Variants in COP1 observed in about 807,000 individuals in gnomAD.
The protein encoded by COP1 is COP1 E3 ubiquitin ligase, also known as E3 ubiquitin-protein ligase COP1.
In COP1, 24 loss-of-function variants were observed where a neutral mutation model predicts 101.3. The observed-to-expected ratio is 0.24, with a 90% CI of 0.17 to 0.33. The LOEUF (loss-of-function observed/expected upper bound fraction) is 0.33, where lower values mean the gene tolerates loss of function less well. COP1 is among the 10% of genes least tolerant of loss of function. COP1 has a pLI of 1.00. For synonymous variants in COP1, 347 were observed against 341.9 expected, an observed-to-expected ratio of 1.01 and a Z score of -0.17; for missense variants, 663 against 906.2, an observed-to-expected ratio of 0.73 and a Z score of 3.45.
At chr1:175,967,086 T>G (rs1652163376) in intron 18 of COP1, among the ~76,000 whole-genome samples, 1 of 152,190 alleles carries the variant, frequency 6.6e-6, no homozygotes, top group Admixed American at 6.5e-5. Context: ...AACAGAACAG[T>G]GGATTTCTAA....
chr1:176,127,329 T>G lies in COP1; in HGVS notation c.968+7681A>C, dbSNP rs543024077. On this transcript the variant is annotated intron_variant, in intron 8 of 19. Transcript: ENST00000367669. ...TTCCTGTCTAACTATAACTTTGTACTCACTGACCAACTTCTCCCCTCTCCC... is the reference window on the plus strand; with the variant it reads ...TTCCTGTCTAACTATAACTTTGTACGCACTGACCAACTTCTCCCCTCTCCC... Among the ~76,000 whole-genome samples, 27 of 152,298 alleles carry G rather than the reference T, an allele frequency of 1.8e-4. 1 individual carries two copies. The East Asian group carries it at 1.9e-3, about 11-fold the overall frequency.
intron 14 of COP1, among the ~76,000 whole-genome samples, chr1:176,028,166 C>T (rs1668002877): frequency 6.6e-6 from 1 of 152,102 alleles, no homozygotes; most frequent in Non-Finnish European, 1.5e-5. Context: ...TATCATAATT[C>T]AAGGTGAGAT....
chr1:175,973,855 T>C (rs1653862281), intron 18 of COP1, among the ~76,000 whole-genome samples: 1 of 152,104 alleles, frequency 6.6e-6, no homozygotes, highest in Non-Finnish European at 1.5e-5. Context: ...AAAGGGTATT[T>C]GGGAACAGTG....
At chr1:175,945,775 CA>C (rs1397933412) in intron 19 of COP1, among the ~76,000 whole-genome samples, 1 of 152,182 alleles carries the variant, frequency 6.6e-6, no homozygotes, top group Non-Finnish European at 1.5e-5. Context: ...GAGACACTGT[CA>C]AAAAGAATTA....
At chr1:175,993,397 T>A (rs1162138952) in intron 15 of COP1, among the ~76,000 whole-genome samples, 1 of 152,198 alleles carries the variant, frequency 6.6e-6, no homozygotes, top group African/African-American at 2.4e-5. Context: ...GGATGGAGAA[T>A]GGCTTTGACG....
At position 176,116,751 on chromosome 1, in the gene COP1, A is replaced by G. The variant is rs1368729774; in HGVS notation, c.969-70T>C. Reference sequence around the variant, plus strand: ...TTTTAACAACAGAAAAAGTAAATCTAAAGTATATCATATATAAGCCCAGTA... The same window carrying G: ...TTTTAACAACAGAAAAAGTAAATCTGAAGTATATCATATATAAGCCCAGTA... On this transcript the variant is annotated intron_variant, in intron 8 of 19. Coordinates refer to ENST00000367669, the MANE Select transcript of COP1 (RefSeq NM_022457.7). 59 of 1,115,604 alleles carry G rather than the reference A, an allele frequency of 5.3e-5. 1 individual carries two copies. Among genetic ancestry groups the G allele is most frequent in the South Asian group, 4.7e-4 (36 of 75,856 alleles). 69.1% of individuals were successfully genotyped at this position (1,115,604 alleles called of 1,614,324 possible). A position where few individuals can be genotyped will look rare whatever the true frequency, so the allele number is the denominator to read the frequency against.
chr1:175,966,074 T>A (rs1047543937), intron 18 of COP1, among the ~76,000 whole-genome samples: 1 of 152,216 alleles, frequency 6.6e-6, no homozygotes, highest in South Asian at 2.1e-4. Context: ...TTTCTTTTTG[T>A]CCCTGACTTT....
Position 176,206,584 on chromosome 1 carries a change from T to C in COP1, c.395A>G (p.Asn132Ser), listed in dbSNP as rs748216622. The change falls in exon 1 of 20, where the codon AAC becomes AGC. Residue 132 changes from asparagine to serine, a missense_variant. Transcript: ENST00000367669. ...TCTTCAAACCCACCATACGAAGTCGTTGCTTTTGTCCTCGTAGGAGTTGAT... is the reference window on the plus strand; with the variant it reads ...TCTTCAAACCCACCATACGAAGTCGCTGCTTTTGTCCTCGTAGGAGTTGAT... Reference protein sequence around the residue: ...GLINSYEDKSNDFVCPICFDM... With the variant: ...GLINSYEDKSSDFVCPICFDM... The C allele has an allele frequency of 1.4e-5, 22 of 1,610,332 alleles. No individual in the cohort carries two copies. The Admixed American group carries it at 1.7e-4, about 12-fold the overall frequency.
At chr1:176,184,746 A>G in intron 1 of COP1, 54 bp from the exon 2 acceptor site, 1 of 1,319,176 alleles carries the variant, frequency 7.6e-7, no homozygotes, top group South Asian at 1.3e-5. Flanking sequence ...GTGATTACAA[A>G]TTGGAAAAGA....
intron 15 of COP1, among the ~76,000 whole-genome samples, chr1:176,013,333 A>G (rs537498663): frequency 6.6e-6 from 1 of 152,308 alleles, no homozygotes; most frequent in South Asian, 2.1e-4. Context: ...GCTAGGGGGA[A>G]AAACACAAGA....
At chr1:176,108,940 C>T (rs1177262790) in intron 9 of COP1, among the ~76,000 whole-genome samples, 1 of 151,894 alleles carries the variant, frequency 6.6e-6, no homozygotes, top group Non-Finnish European at 1.5e-5. Context: ...GGTGAAACCC[C>T]TTCTCTACTA....
intron 2 of COP1, among the ~76,000 whole-genome samples, chr1:176,183,952 T>C (rs1182885151): frequency 6.6e-6 from 1 of 152,084 alleles, no homozygotes; most frequent in South Asian, 2.1e-4. Context: ...AAATGGGGAA[T>C]TGTTGTTTAA....
chr1:176,038,638 T>C (rs2149142978), intron 14 of COP1, among the ~76,000 whole-genome samples: 1 of 152,066 alleles, frequency 6.6e-6, no homozygotes, highest in South Asian at 2.1e-4. Context: ...ACCAATATGG[T>C]GAAATGCCAT....
At chr1:176,104,270 T>C (rs1683925416) in intron 9 of COP1, among the ~76,000 whole-genome samples, 2 of 152,272 alleles carry the variant, frequency 1.3e-5, no homozygotes, top group South Asian at 4.1e-4. Context: ...CTCTACATCC[T>C]GGTTGTAGGG....
intron 19 of COP1, among the ~76,000 whole-genome samples, chr1:175,946,279 A>C (rs2148472291): frequency 6.6e-6 from 1 of 152,338 alleles, no homozygotes; most frequent in Middle Eastern, 3.4e-3. Flanking sequence ...TGCCTAAAAA[A>C]GGAGACTACC....
Position 175,982,185 on chromosome 1 carries a change from T to A in COP1, c.2133+4758A>T, listed in dbSNP as rs542610413. Among the ~76,000 whole-genome samples the A allele has an allele frequency of 2.0e-5, 3 of 152,312 alleles. No individual in the cohort carries two copies. In the East Asian group the frequency reaches 5.8e-4, roughly 29 times the overall value. On this transcript the variant is annotated intron_variant, in intron 18 of 19. Coordinates refer to ENST00000367669, the MANE Select transcript of COP1 (RefSeq NM_022457.7). ...ACACTTCTGAGCATTGAATCCCACTTCAATTTCAAAAGAGTTAAAATTAGG... is the reference window on the plus strand; with the variant it reads ...ACACTTCTGAGCATTGAATCCCACTACAATTTCAAAAGAGTTAAAATTAGG...
intron 6 of COP1, among the ~76,000 whole-genome samples, chr1:176,143,904 C>G (rs977743940): frequency 1.3e-5 from 2 of 152,028 alleles, no homozygotes; most frequent in African/African-American, 2.4e-5. Context: ...TACTCAACCC[C>G]ACTCAGAAAT....
intron 15 of COP1, among the ~76,000 whole-genome samples, chr1:175,995,875 G>A (rs1165660035): frequency 1.3e-5 from 2 of 152,082 alleles, no homozygotes; most frequent in African/African-American, 4.8e-5. Context: ...GAAAAAGAGA[G>A]AATCCTCCCT....
intron 3 of COP1, 46 bp downstream of exon 3, chr1:176,175,864 T>TG (rs772884373): frequency 9.0e-7 from 1 of 1,116,046 alleles, no homozygotes; most frequent in Non-Finnish European, 1.3e-6. Flanking sequence ...CACACAATTT[T>TG]GGGGATCGAA....
Sources: allele counts gnomAD v4.1 joint callset (sites outside exome capture counted in the v4.1 genomes callset), GRCh38; gene constraint gnomAD v4.1.1; transcripts MANE v1.5; gene names NCBI Gene and HGNC (gene_info 2026-07-23, HGNC 2026-07-21).